ZNF704: variants seen among roughly 807,000 people sequenced by gnomAD.
ZNF704 encodes the protein glucocorticoid induced gene 1.
Under a neutral mutation model 44.7 loss-of-function variants are expected in ZNF704, and 10 were observed. The ratio of observed to expected loss-of-function variants is 0.22; its 90% CI spans 0.14 to 0.38. ZNF704 has a LOEUF of 0.38. Ranked by LOEUF, ZNF704 falls within the 10% of genes least tolerant of loss-of-function variation. The pLI is 1.00. For missense variants in ZNF704, 390 were observed against 545.5 expected (o/e 0.71, Z 2.84); for synonymous variants, 211 against 207.6 (o/e 1.02, Z -0.14).
In ZNF704 at chr8:80,665,090, A is replaced by G. The variant is rs369357674; in HGVS notation, c.660-8T>C. 2 of 1,613,018 alleles carry G rather than the reference A, an allele frequency of 1.2e-6. No individual in the cohort carries two copies. The highest frequency in any genetic ancestry group is 2.7e-5 in the African/African-American group (2 of 75,030). ...TCAGAGTCTCCAACGCGCCTAATGCAAAAGAGAGTAAAACAATCATACTAA... is the reference window on the plus strand; with the variant it reads ...TCAGAGTCTCCAACGCGCCTAATGCGAAAGAGAGTAAAACAATCATACTAA... On this transcript the variant is annotated splice_polypyrimidine_tract_variant and splice_region_variant and intron_variant, in intron 5 of 8. Transcript: ENST00000327835.
At chr8:80,680,988 C>T (rs1818443965) in intron 4 of ZNF704, among the ~76,000 whole-genome samples, 1 of 152,142 alleles carries the variant, frequency 6.6e-6, no homozygotes, top group South Asian at 2.1e-4. Context: ...TTGTGCCTGG[C>T]TTTTTTTCCC....
chr8:80,818,601 G>A (rs148220825), intron 2 of ZNF704, among the ~76,000 whole-genome samples: 6 of 152,258 alleles, frequency 3.9e-5, no homozygotes, highest in Non-Finnish European at 7.4e-5. Flanking sequence ...ACAAGAAAAT[G>A]TATCTGTACA....
rs138954086 is a variant in ZNF704 at position 80,735,048 on chromosome 8, G to A, written c.222-41941C>T. On this transcript the variant is annotated intron_variant, in intron 2 of 8. Transcript: ENST00000327835. ...TGCTCAGGAACTTTCAATGGTTACT[G>A]GGTCCTCACCTTGGCCTTCAAGGCT... Among the ~76,000 whole-genome samples, 428 of 152,202 alleles carry A rather than the reference G, an allele frequency of 2.8e-3. 2 individuals carry two copies. Among genetic ancestry groups the A allele is most frequent in the African/African-American group, 9.6e-3 (398 of 41,530 alleles).
At chr8:80,673,310 A>G (rs1444839419) in intron 4 of ZNF704, 1 of 152,230 alleles carries the variant, frequency 6.6e-6, no homozygotes, top group African/African-American at 2.4e-5. Flanking sequence ...AGAAGGAAGA[A>G]GCCTGGATCC....
chr8:80,868,818 C>T (rs948688740), intron 1 of ZNF704, among the ~76,000 whole-genome samples: 3 of 152,200 alleles, frequency 2.0e-5, no homozygotes, highest in Admixed American at 1.3e-4. Context: ...CTCACTCCCT[C>T]CTGCCCTCAC....
intron 2 of ZNF704, among the ~76,000 whole-genome samples, chr8:80,731,846 C>T (rs994146301): frequency 3.3e-5 from 5 of 152,126 alleles, no homozygotes; most frequent in African/African-American, 1.2e-4. Flanking sequence ...CACATTTTCC[C>T]TTTTTATAGT....
intron 2 of ZNF704, among the ~76,000 whole-genome samples, chr8:80,762,472 T>C (rs1454303064): frequency 6.6e-6 from 1 of 152,132 alleles, no homozygotes; most frequent in Non-Finnish European, 1.5e-5. Flanking sequence ...CAGATGCTTA[T>C]AAAACCATCA....
chr8:80,850,822 G>A (rs1387548758), intron 1 of ZNF704, among the ~76,000 whole-genome samples: 1 of 152,090 alleles, frequency 6.6e-6, no homozygotes, highest in Non-Finnish European at 1.5e-5. Context: ...TTGCTTGACT[G>A]AAACACCTCA....
intron 2 of ZNF704, among the ~76,000 whole-genome samples, chr8:80,807,590 T>C (rs2129821120): frequency 6.6e-6 from 1 of 152,298 alleles, no homozygotes; most frequent in African/African-American, 2.4e-5. Flanking sequence ...GTGTTCAATA[T>C]ATGCGCTCGT....
At chr8:80,713,286 C>T (rs781647773) in intron 2 of ZNF704, among the ~76,000 whole-genome samples, 2 of 152,174 alleles carry the variant, frequency 1.3e-5, no homozygotes, top group African/African-American at 2.4e-5. Flanking sequence ...ATACTGTTGA[C>T]GTGTTACTGA....
At chr8:80,736,935 GTTTT>G (rs953605284) in intron 2 of ZNF704, among the ~76,000 whole-genome samples, 1 of 141,308 alleles carries the variant, frequency 7.1e-6, no homozygotes, top group Non-Finnish European at 1.5e-5. Context: ...GGGCCCTGGT[GTTTT>G]TTTTTTTAAA....
chr8:80,745,855 T>C (rs772321355), intron 2 of ZNF704, among the ~76,000 whole-genome samples: 5 of 152,044 alleles, frequency 3.3e-5, no homozygotes, highest in Non-Finnish European at 7.4e-5. Context: ...CTAAAGACAG[T>C]GTGTACAAAA....
intron 2 of ZNF704, among the ~76,000 whole-genome samples, chr8:80,768,503 T>C (rs1807265471): frequency 6.6e-6 from 1 of 152,160 alleles, no homozygotes; most frequent in South Asian, 2.1e-4. Flanking sequence ...AATTTTCTTC[T>C]CTAGGTGAAG....
chr8:80,763,811 T>G (rs1394574984), intron 2 of ZNF704, among the ~76,000 whole-genome samples: 2 of 152,234 alleles, frequency 1.3e-5, no homozygotes, highest in African/African-American at 4.8e-5. Context: ...AATGCTTTGC[T>G]GCTCAGAAAT....
At position 80,640,270 on chromosome 8, in the gene ZNF704, C is replaced by T. The variant is rs1480451382; in HGVS notation, c.*1096G>A. ...AAAGCATAAAACCTATAAAAGTGCA[C>T]TCAGAATGGAAGTGGTTTGTTGATC... On this transcript the variant is annotated 3_prime_UTR_variant, in exon 9 of 9. Coordinates refer to ENST00000327835, the MANE Select transcript of ZNF704 (RefSeq NM_001033723.3). 1 of 152,648 alleles carries T rather than the reference C, an allele frequency of 6.6e-6. No homozygotes were observed. Among genetic ancestry groups the T allele is most frequent in the Non-Finnish European group, 1.5e-5 (1 of 68,046 alleles). 9.5% of individuals were successfully genotyped at this position (152,648 alleles called of 1,614,324 possible). A position where few individuals can be genotyped will look rare whatever the true frequency, so the allele number is the denominator to read the frequency against.
chr8:80,884,280 T>G, the ZNF704 span, among the ~76,000 whole-genome samples: 8 of 152,228 alleles, frequency 5.3e-5, no homozygotes, highest in Non-Finnish European at 4.4e-5. Flanking sequence ...CAGCCTTGAT[T>G]ACCTTCCATT....
intron 1 of ZNF704, among the ~76,000 whole-genome samples, chr8:80,852,619 G>C (rs1808884481): frequency 6.6e-6 from 1 of 152,198 alleles, no homozygotes; most frequent in Admixed American, 6.5e-5. Context: ...ATGCCCACTT[G>C]TACAGTGTTT....
At chr8:80,799,362 T>G (rs1807861403) in intron 2 of ZNF704, among the ~76,000 whole-genome samples, 1 of 152,224 alleles carries the variant, frequency 6.6e-6, no homozygotes, top group African/African-American at 2.4e-5. Context: ...AGACCTGAAC[T>G]CTGAAGTAAA....
chr8:80,651,899 T>C (rs1010138962), intron 7 of ZNF704, among the ~76,000 whole-genome samples: 10 of 152,226 alleles, frequency 6.6e-5, no homozygotes, highest in Admixed American at 2.0e-4. Context: ...TATTCCAAAA[T>C]TGACCACATA....
Sources: allele counts gnomAD v4.1 joint callset (sites outside exome capture counted in the v4.1 genomes callset), GRCh38; gene constraint gnomAD v4.1.1; transcripts MANE v1.5; gene names NCBI Gene and HGNC (gene_info 2026-07-23, HGNC 2026-07-21).